The following SLCO2A1 variants were observed in gnomAD, a reference collection of about 807,000 sequenced individuals.
SLCO2A1 encodes the protein solute carrier organic anion transporter family member 2A1, also known as matrin F/G 1.
Under a neutral mutation model 71.7 loss-of-function variants are expected in SLCO2A1, and 60 were observed. That is an observed-to-expected ratio of 0.84 (90% CI 0.68 to 1.04). SLCO2A1 has a LOEUF of 1.04. Ranked by LOEUF, SLCO2A1 falls within the 50% of genes least tolerant of loss-of-function variation. The pLI is 0.00. For synonymous variants in SLCO2A1, 308 were observed against 326.7 expected (o/e 0.94, Z 0.62); for missense variants, 745 against 813.4 (o/e 0.92, Z 1.02).
chr3:134,013,765 T>C (rs955375522), intron 1 of SLCO2A1, among the ~76,000 whole-genome samples: 1 of 152,232 alleles, frequency 6.6e-6, no homozygotes, highest in African/African-American at 2.4e-5. Flanking sequence ...GAGAGAAATA[T>C]GACATATTAT....
chr3:133,938,673 G>A (rs892872091), intron 11 of SLCO2A1, among the ~76,000 whole-genome samples, 180 bp from the exon 12 acceptor site: 2 of 152,210 alleles, frequency 1.3e-5, no homozygotes, highest in Admixed American at 6.5e-5. Context: ...GCCTCAAAGC[G>A]TGGTCCCTGG....
chr3:133,956,680 C>T (rs1443944127), intron 3 of SLCO2A1, among the ~76,000 whole-genome samples: 3 of 152,194 alleles, frequency 2.0e-5, no homozygotes, highest in South Asian at 2.1e-4. Context: ...GGCCCGACCA[C>T]ATGGTGATAT....
chr3:134,008,797 G>A (rs1935275076), intron 1 of SLCO2A1, among the ~76,000 whole-genome samples: 1 of 152,214 alleles, frequency 6.6e-6, no homozygotes. Flanking sequence ...ATCACTTCTT[G>A]ATCTTCCCAG....
rs149959732 is a variant in SLCO2A1, at chr3:134,014,852, C to T, written c.96+14855G>A. Among the ~76,000 whole-genome samples, 440 of 152,208 alleles carry T rather than the reference C, an allele frequency of 2.9e-3. 2 individuals are homozygous for T. The highest frequency in any genetic ancestry group is 9.9e-3 in the African/African-American group (412 of 41,520). On this transcript the variant is annotated intron_variant, in intron 1 of 13. Coordinates refer to ENST00000310926, the MANE Select transcript of SLCO2A1 (RefSeq NM_005630.3). ...GGTTTCCTCAACTGTGACATGGAGA[C>T]GTTGATACCTCTCTTGCAGGGCTGT...
chr3:133,979,863 T>C (rs1037413782), intron 1 of SLCO2A1, among the ~76,000 whole-genome samples: 4 of 152,190 alleles, frequency 2.6e-5, no homozygotes, highest in African/African-American at 9.7e-5. Context: ...CTGTGATATG[T>C]GGCCCAGTGA....
intron 1 of SLCO2A1, among the ~76,000 whole-genome samples, chr3:133,989,808 G>A (rs1300916179): frequency 6.6e-6 from 1 of 152,164 alleles, no homozygotes; most frequent in African/African-American, 2.4e-5. Flanking sequence ...ATTTTATGGT[G>A]CCTGTTACTA....
intron 2 of SLCO2A1, among the ~76,000 whole-genome samples, chr3:133,976,881 C>T (rs1934471114): frequency 6.6e-6 from 1 of 152,210 alleles, no homozygotes; most frequent in Non-Finnish European, 1.5e-5. Context: ...TCCATGTCTT[C>T]TCTTCTTAAC....
chr3:133,945,633 G>C (rs1018605953), intron 9 of SLCO2A1, among the ~76,000 whole-genome samples: 8 of 152,164 alleles, frequency 5.3e-5, no homozygotes, highest in African/African-American at 1.7e-4. Context: ...CCGAAAAACA[G>C]TGGCTGGGAC....
intron 2 of SLCO2A1, 57 bp from the exon 3 acceptor site, chr3:133,973,882 C>T: frequency 6.6e-7 from 1 of 1,525,474 alleles, no homozygotes; most frequent in East Asian, 2.3e-5. Context: ...CACCCACCCA[C>T]AGAGAAGACC....
intron 1 of SLCO2A1, among the ~76,000 whole-genome samples, chr3:134,022,232 A>G (rs1319917736): frequency 6.6e-6 from 1 of 152,176 alleles, no homozygotes; most frequent in Non-Finnish European, 1.5e-5. Context: ...AAGTCATGAA[A>G]GAAAAAAGTT....
At chr3:133,948,722 G>A (rs1456202630) in intron 7 of SLCO2A1, 22 bp from the exon 8 acceptor site, 2 of 1,610,112 alleles carry the variant, frequency 1.2e-6, no homozygotes, top group South Asian at 2.2e-5. Context: ...CCGCTGTCAA[G>A]GCTCTGGCAG....
At chr3:133,976,585 T>G (rs1347645876) in intron 2 of SLCO2A1, among the ~76,000 whole-genome samples, 1 of 152,020 alleles carries the variant, frequency 6.6e-6, no homozygotes, top group African/African-American at 2.4e-5. Context: ...TGTTTTTCCC[T>G]AATATAAAAC....
At chr3:133,961,592 C>T (rs937768401) in intron 3 of SLCO2A1, among the ~76,000 whole-genome samples, 2 of 152,196 alleles carry the variant, frequency 1.3e-5, no homozygotes, top group African/African-American at 4.8e-5. Flanking sequence ...TCATCTCATG[C>T]AGTGTTCAGG....
intron 3 of SLCO2A1, among the ~76,000 whole-genome samples, chr3:133,971,683 C>T (rs991519520): frequency 6.6e-6 from 1 of 152,168 alleles, no homozygotes; most frequent in Admixed American, 6.5e-5. Flanking sequence ...CGATTATTCC[C>T]TCAGCACCTC....
At chr3:133,948,456 C>G in intron 8 of SLCO2A1, 80 bp downstream of exon 8, 2 of 1,474,772 alleles carry the variant, frequency 1.4e-6, no homozygotes, top group Non-Finnish European at 1.9e-6. Flanking sequence ...GGCCTGCGCC[C>G]ATCCCTGGAT....
At chr3:133,957,654 A>G (rs1933928821) in intron 3 of SLCO2A1, among the ~76,000 whole-genome samples, 1 of 152,110 alleles carries the variant, frequency 6.6e-6, no homozygotes, top group South Asian at 2.1e-4. Flanking sequence ...GGTGGCTGGG[A>G]CCTTACACCT....
At chr3:133,991,194 G>A (rs574388995) in intron 1 of SLCO2A1, among the ~76,000 whole-genome samples, 10 of 152,304 alleles carry the variant, frequency 6.6e-5, no homozygotes, top group African/African-American at 1.9e-4. Flanking sequence ...GCTCCTCTGA[G>A]GTGCATCTGA....
chr3:133,963,176 A>G (rs1934083295), intron 3 of SLCO2A1, among the ~76,000 whole-genome samples: 1 of 152,180 alleles, frequency 6.6e-6, no homozygotes, highest in Non-Finnish European at 1.5e-5. Context: ...GCAGAATTTC[A>G]TTTCTAAATT....
chr3:134,005,925 T>C (rs1352696905), intron 1 of SLCO2A1, among the ~76,000 whole-genome samples: 7 of 152,200 alleles, frequency 4.6e-5, no homozygotes, highest in African/African-American at 1.4e-4. Context: ...AGGCTTTTAT[T>C]ATTTAATTAG....
Sources: allele counts gnomAD v4.1 joint callset (sites outside exome capture counted in the v4.1 genomes callset), GRCh38; gene constraint gnomAD v4.1.1; transcripts MANE v1.5; gene names NCBI Gene and HGNC (gene_info 2026-07-23, HGNC 2026-07-21).